The following HECW1 variants were observed in gnomAD, a reference collection of about 807,000 sequenced individuals.
The protein encoded by HECW1 is HECT, C2 and WW domain containing E3 ubiquitin protein ligase 1.
In HECW1, 61 loss-of-function variants were observed where a neutral mutation model predicts 182.3. The ratio of observed to expected loss-of-function variants is 0.33; its 90% CI spans 0.27 to 0.41. The LOEUF (loss-of-function observed/expected upper bound fraction) is 0.41. Among genes scored for constraint, HECW1 ranks in the 10% least tolerant of loss-of-function variants. The pLI is 1.00. For synonymous variants in HECW1, 859 were observed against 832.6 expected (o/e 1.03, Z -0.55); for missense variants, 1,739 against 2,108.9 (o/e 0.82, Z 3.44).
chr7:43,182,019 C>T (rs1325872854), intron 2 of HECW1, among the ~76,000 whole-genome samples: 4 of 151,994 alleles, frequency 2.6e-5, no homozygotes, highest in Admixed American at 6.5e-5. Context: ...CTCCTGACCT[C>T]GTGATCTACC....
chr7:43,472,194 A>G (rs79221718), intron 16 of HECW1, among the ~76,000 whole-genome samples: 3,557 of 152,346 alleles, frequency 0.023, 77 homozygotes, highest in East Asian at 0.095. Context: ...CCTCTAAAGC[A>G]GAAGGAAGGA....
chr7:43,478,429 A>T (rs1585030973), intron 16 of HECW1, among the ~76,000 whole-genome samples: 1 of 152,320 alleles, frequency 6.6e-6, no homozygotes, highest in East Asian at 1.9e-4. Flanking sequence ...GTCTCAAAAA[A>T]AAAGTGTTCA....
chr7:43,418,655 A>G (rs1348453108), intron 8 of HECW1, among the ~76,000 whole-genome samples: 1 of 150,412 alleles, frequency 6.6e-6, no homozygotes, highest in Non-Finnish European at 1.5e-5. Flanking sequence ...TAAGATTGCC[A>G]TTTGGTTTTT....
At chr7:43,437,284 G>A (rs1166597446) in intron 8 of HECW1, among the ~76,000 whole-genome samples, 3 of 152,134 alleles carry the variant, frequency 2.0e-5, no homozygotes, top group South Asian at 2.1e-4. Flanking sequence ...AGAGTTCTCA[G>A]TTTCAAAGAT....
At chr7:43,122,592 C>T (rs748793756) in intron 2 of HECW1, among the ~76,000 whole-genome samples, 12 of 152,112 alleles carry the variant, frequency 7.9e-5, no homozygotes, top group Non-Finnish European at 1.5e-4. Context: ...CCTGTTGTCG[C>T]AATAAAGTAA....
chr7:43,396,147 A>G (rs1375912605), intron 6 of HECW1, among the ~76,000 whole-genome samples: 1 of 152,240 alleles, frequency 6.6e-6, no homozygotes, highest in Non-Finnish European at 1.5e-5. Flanking sequence ...AATGGAAGCA[A>G]AAACCCTAGC....
intron 8 of HECW1, among the ~76,000 whole-genome samples, chr7:43,423,435 A>G (rs1562959674): frequency 6.6e-6 from 1 of 152,180 alleles, no homozygotes; most frequent in Non-Finnish European, 1.5e-5. Context: ...CTCTTGTTCT[A>G]CAGTGATGCC....
At chr7:43,475,715 CT>C (rs1563028071) in intron 16 of HECW1, among the ~76,000 whole-genome samples, 2 of 152,008 alleles carry the variant, frequency 1.3e-5, no homozygotes, top group Non-Finnish European at 2.9e-5. Context: ...CTACGCCTAG[CT>C]TTTTTGGTAT....
intron 11 of HECW1, 118 bp from the exon 12 acceptor site, chr7:43,450,710 A>T: frequency 1.5e-6 from 1 of 673,442 alleles, no homozygotes. Context: ...ACACACACAA[A>T]TGGATTTCCC....
chr7:43,203,891 C>T lies in HECW1; in HGVS notation c.-31-39984C>T, dbSNP rs186868809. Among the ~76,000 whole-genome samples the T allele has an allele frequency of 9.2e-5, 14 of 152,304 alleles. No individual in the cohort carries two copies. In the East Asian group the frequency reaches 2.5e-3, roughly 27 times the overall value. On this transcript the variant is annotated intron_variant, in intron 2 of 29. Transcript: ENST00000395891. ...TAAATTGTATGTATTTAATAGCTGA[C>T]AATTCTTGCTATTATGTAATATCTT...
At chr7:43,523,057 G>T (rs915506903) in intron 24 of HECW1, 1 of 445,550 alleles carries the variant, frequency 2.2e-6, no homozygotes, top group Non-Finnish European at 4.5e-6. Context: ...AGGCTAGAGT[G>T]CAATGGTGCG....
At chr7:43,258,350 TAAAAAATAAAAAAAATA>T (rs898908966) in intron 3 of HECW1, among the ~76,000 whole-genome samples, 12 of 126,412 alleles carry the variant, frequency 9.5e-5, no homozygotes, top group Admixed American at 2.3e-4. Context: ...CTCAAAAAAA[TAAAAAATAAAAAAAATA>T]AAAAAATAAA....
At chr7:43,370,760 A>G (rs1562897254) in intron 6 of HECW1, among the ~76,000 whole-genome samples, 1 of 152,246 alleles carries the variant, frequency 6.6e-6, no homozygotes, top group South Asian at 2.1e-4. Flanking sequence ...GAAAGCCTAC[A>G]TAATTTCACA....
At position 43,409,268 on chromosome 7, in the gene HECW1, G is replaced by A. The variant is rs60407159; in HGVS notation, c.801+1537G>A. 4.1e-3 allele frequency among the ~76,000 whole-genome samples: 630 copies of A among 152,294 alleles called. 4 individuals carry two copies. Among genetic ancestry groups the A allele is most frequent in the African/African-American group, 0.013 (538 of 41,564 alleles). On this transcript the variant is annotated intron_variant, in intron 8 of 29. Transcript: ENST00000395891. ...CAGATTCTAAAACACTGATAGCACC[G>A]CTAGAATGGAATAATGAATCTTAAT...
intron 4 of HECW1, among the ~76,000 whole-genome samples, chr7:43,314,246 T>A (rs751680165): frequency 6.6e-6 from 1 of 152,236 alleles, no homozygotes; most frequent in African/African-American, 2.4e-5. Flanking sequence ...ATGGAATTAC[T>A]GAGTGTGGAA....
chr7:43,319,186 G>A (rs889620680), intron 4 of HECW1, among the ~76,000 whole-genome samples: 1 of 151,874 alleles, frequency 6.6e-6, no homozygotes, highest in Non-Finnish European at 1.5e-5. Flanking sequence ...AGGAGATCGA[G>A]ACCATCCTGG....
At chr7:43,529,004 A>G (rs1466693103) in intron 24 of HECW1, among the ~76,000 whole-genome samples, 3 of 152,120 alleles carry the variant, frequency 2.0e-5, no homozygotes, top group African/African-American at 7.2e-5. Context: ...ACAGTATCTG[A>G]ATAAAGGTGG....
intron 3 of HECW1, among the ~76,000 whole-genome samples, chr7:43,308,867 C>T (rs145201744): frequency 0.012 from 1,815 of 152,302 alleles, 39 homozygotes; most frequent in African/African-American, 0.041. Flanking sequence ...AGTGATCCAC[C>T]TGCCTCAGCC....
chr7:43,557,948 A>T (rs2082085275), intron 29 of HECW1, among the ~76,000 whole-genome samples: 1 of 152,262 alleles, frequency 6.6e-6, no homozygotes, highest in Admixed American at 6.5e-5. Context: ...TATCTAAATG[A>T]CATGAGATTC....
Sources: allele counts gnomAD v4.1 joint callset (sites outside exome capture counted in the v4.1 genomes callset), GRCh38; gene constraint gnomAD v4.1.1; transcripts MANE v1.5; gene names NCBI Gene and HGNC (gene_info 2026-07-23, HGNC 2026-07-21).